The following PDZRN4 variants were observed in gnomAD, a reference collection of about 807,000 sequenced individuals.
PDZRN4 encodes PDZ domain containing ring finger 4, also known as PDZ domain-containing RING finger protein 4.
PDZRN4 carries 70 observed loss-of-function variants against 99.0 expected under a neutral mutation model. The ratio of observed to expected loss-of-function variants is 0.71; its 90% CI spans 0.58 to 0.86. PDZRN4 has a LOEUF of 0.86. PDZRN4 is among the 40% of genes least tolerant of loss of function. PDZRN4 has a pLI of 0.00. For synonymous variants in PDZRN4, 551 were observed against 501.6 expected, an observed-to-expected ratio of 1.10 and a Z score of -1.32; for missense variants, 1,474 against 1,331.2, an observed-to-expected ratio of 1.11 and a Z score of -1.67.
At chr12:41,513,079 G>A (rs1210106204) in intron 5 of PDZRN4, among the ~76,000 whole-genome samples, 1 of 151,984 alleles carries the variant, frequency 6.6e-6, no homozygotes, top group African/African-American at 2.4e-5. Flanking sequence ...TGTATCTCGT[G>A]AGTACTTATA....
intron 3 of PDZRN4, among the ~76,000 whole-genome samples, chr12:41,480,101 A>G (rs1937649839): frequency 2.6e-5 from 4 of 152,218 alleles, no homozygotes; most frequent in Admixed American, 1.3e-4. Flanking sequence ...TTAAAAGTTC[A>G]TGGGCATGAT....
At chr12:41,270,929 C>T (rs968793829) in intron 3 of PDZRN4, among the ~76,000 whole-genome samples, 26 of 152,026 alleles carry the variant, frequency 1.7e-4, no homozygotes, top group Admixed American at 3.3e-4. Flanking sequence ...AAAAATAATA[C>T]AGTATAGTAA....
chr12:41,195,205 T>C (rs559076416), intron 3 of PDZRN4, among the ~76,000 whole-genome samples: 8 of 152,220 alleles, frequency 5.3e-5, no homozygotes, highest in Non-Finnish European at 1.0e-4. Flanking sequence ...ATAATATTAC[T>C]TTTTGTTGCC....
intron 3 of PDZRN4, among the ~76,000 whole-genome samples, chr12:41,393,367 G>C (rs1039462047): frequency 1.3e-5 from 2 of 152,098 alleles, no homozygotes; most frequent in Non-Finnish European, 2.9e-5. Flanking sequence ...TGTAGCTGCT[G>C]TGCAACCCAA....
chr12:41,206,124 T>C (rs1425759172), intron 3 of PDZRN4, among the ~76,000 whole-genome samples: 1 of 151,974 alleles, frequency 6.6e-6, no homozygotes, highest in Non-Finnish European at 1.5e-5. Flanking sequence ...TCTAGGCTAT[T>C]ACAACAGCAG....
chr12:41,239,813 A>G (rs1482132200), intron 3 of PDZRN4, among the ~76,000 whole-genome samples: 1 of 152,248 alleles, frequency 6.6e-6, no homozygotes. Context: ...TGTGTAATGT[A>G]GGATTTTGAA....
At chr12:41,314,812 A>AT (rs1034825782) in intron 3 of PDZRN4, among the ~76,000 whole-genome samples, 4 of 150,204 alleles carry the variant, frequency 2.7e-5, no homozygotes, top group South Asian at 4.2e-4. Flanking sequence ...GTTCACTATG[A>AT]TTTTTTTTCT....
rs146443862 is a variant in PDZRN4 at position 41,291,576 on chromosome 12, C to G, written c.843+97388C>G. On this transcript the variant is annotated intron_variant, in intron 3 of 9. Transcript: ENST00000402685. ...TCATAAAATCATTATTCATCCTAAG[C>G]CTCCCAAAGCCAAGAGTAGCCCTTA... Among the ~76,000 whole-genome samples the G allele has an allele frequency of 6.6e-5, 10 of 152,192 alleles. No homozygotes were observed. The East Asian group carries it at 1.9e-3, about 29-fold the overall frequency.
chr12:41,468,773 C>T (rs963896716), intron 3 of PDZRN4, among the ~76,000 whole-genome samples: 50 of 152,176 alleles, frequency 3.3e-4, no homozygotes, highest in African/African-American at 1.1e-3. Context: ...ATCTCTTCCC[C>T]TCTAGAGTGG....
At chr12:41,554,147 G>T (rs1346416759) in intron 6 of PDZRN4, among the ~76,000 whole-genome samples, 1 of 152,132 alleles carries the variant, frequency 6.6e-6, no homozygotes, top group Non-Finnish European at 1.5e-5. Context: ...TCTGATTAGG[G>T]TGAGGAAGTA....
rs183569376 is a variant in PDZRN4 at position 41,567,701 on chromosome 12, G to A, written c.1468-82G>A. 1,750 of 700,630 alleles carry A rather than the reference G, an allele frequency of 2.5e-3. 9 individuals are homozygous for A. Among genetic ancestry groups the A allele is most frequent in the South Asian group, 0.014 (502 of 36,982 alleles). The allele number at this position is 700,630 out of a possible 1,614,324, so 43.4% of individuals were successfully genotyped here. A position where few individuals can be genotyped will look rare whatever the true frequency, so the allele number is the denominator to read the frequency against. On this transcript the variant is annotated intron_variant, in intron 8 of 9. Transcript: ENST00000402685. ...ATCATTATGATAAAAGGAACTCGTC[G>A]GGCACCGGCCATTTAAGTTTACTCT... is the stretch of plus-strand genomic sequence containing the variant.
intron 5 of PDZRN4, among the ~76,000 whole-genome samples, chr12:41,545,233 T>C (rs1445161946): frequency 6.6e-6 from 1 of 152,218 alleles, no homozygotes. Context: ...GCAGTTTTAG[T>C]GTTCACCATG....
At chr12:41,377,904 C>A (rs1952093884) in intron 3 of PDZRN4, among the ~76,000 whole-genome samples, 1 of 152,110 alleles carries the variant, frequency 6.6e-6, no homozygotes, top group African/African-American at 2.4e-5. Context: ...GGGTTTTCTA[C>A]ATATAAGATC....
chr12:41,430,126 A>G (rs572117132), intron 3 of PDZRN4, among the ~76,000 whole-genome samples: 1 of 152,214 alleles, frequency 6.6e-6, no homozygotes, highest in African/African-American at 2.4e-5. Flanking sequence ...AGATGCCATT[A>G]TTGGTTTCTA....
intron 3 of PDZRN4, among the ~76,000 whole-genome samples, chr12:41,222,439 A>C (rs575931555): frequency 1.4e-4 from 21 of 152,234 alleles, no homozygotes; most frequent in African/African-American, 5.1e-4. Context: ...GAGAAAACTC[A>C]TTTCGTATAA....
At chr12:41,324,181 C>T (rs4768002) in intron 3 of PDZRN4, among the ~76,000 whole-genome samples, 100,812 of 151,844 alleles carry the variant, frequency 0.66, 36,932 homozygotes, top group Middle Eastern at 0.82. Flanking sequence ...TTTTTCCTTC[C>T]TTCATTCCTC....
At chr12:41,234,619 G>A (rs547790850) in intron 3 of PDZRN4, among the ~76,000 whole-genome samples, 18 of 152,168 alleles carry the variant, frequency 1.2e-4, no homozygotes, top group Non-Finnish European at 2.5e-4. Context: ...AAGCTTTTGC[G>A]GTTCATCTAA....
intron 3 of PDZRN4, among the ~76,000 whole-genome samples, chr12:41,419,318 A>C (rs1164252592): frequency 1.3e-5 from 2 of 152,152 alleles, no homozygotes; most frequent in African/African-American, 4.8e-5. Flanking sequence ...CAGCTGGTGC[A>C]GGCTGCAGTT....
At chr12:41,546,413 G>A (rs773028000) in intron 5 of PDZRN4, among the ~76,000 whole-genome samples, 5 of 152,124 alleles carry the variant, frequency 3.3e-5, no homozygotes, top group Non-Finnish European at 4.4e-5. Context: ...CAAAATACTC[G>A]TATAGCTTTG....
Sources: allele counts gnomAD v4.1 joint callset (sites outside exome capture counted in the v4.1 genomes callset), GRCh38; gene constraint gnomAD v4.1.1; transcripts MANE v1.5; gene names NCBI Gene and HGNC (gene_info 2026-07-23, HGNC 2026-07-21).